The following SCLT1 variants were observed in gnomAD, a reference collection of about 807,000 sequenced individuals.
The protein encoded by SCLT1 is sodium channel and clathrin linker 1, also known as sodium channel-associated protein 1.
A neutral mutation model predicts 112.8 loss-of-function variants in SCLT1; 78 were observed. That is an observed-to-expected ratio of 0.69 (90% CI 0.58 to 0.83). The LOEUF is 0.83. Among genes scored for constraint, SCLT1 ranks in the 40% least tolerant of loss-of-function variants. The probability of loss-of-function intolerance (pLI) is 0.00; values close to 1 mark genes in which losing one functional copy is unlikely to be tolerated. For missense variants in SCLT1, 747 were observed against 770.4 expected, an observed-to-expected ratio of 0.97 and a Z score of 0.36; for synonymous variants, 257 against 254.7, an observed-to-expected ratio of 1.01 and a Z score of -0.09.
At chr4:128,899,231 T>G (rs1734058537) in intron 18 of SCLT1, among the ~76,000 whole-genome samples, 1 of 152,070 alleles carries the variant, frequency 6.6e-6, no homozygotes, top group Non-Finnish European at 1.5e-5. Flanking sequence ...AAAAAGAGAA[T>G]TTTAGACCAA....
rs73850063 is a variant in SCLT1, at chr4:128,948,872, T to C, written c.1219-302A>G. On this transcript the variant is annotated intron_variant, in intron 14 of 20. Transcript: ENST00000281142. ...TACTATAGATTTTCTTTTCATATAC[T>C]CTTATCAAGTATTTTGAAAAGGGAA... Among the ~76,000 whole-genome samples the C allele has an allele frequency of 6.1e-3, 929 of 152,258 alleles. 3 individuals carry two copies. The highest frequency in any genetic ancestry group is 0.017 in the Admixed American group (266 of 15,294).
intron 2 of SCLT1, among the ~76,000 whole-genome samples, chr4:129,067,860 C>G (rs1750630605): frequency 6.7e-6 from 1 of 149,976 alleles, no homozygotes; most frequent in African/African-American, 2.5e-5. Flanking sequence ...GTTATTTCTA[C>G]AGGTTGCTGG....
chr4:129,017,912 T>G (rs1252167915), intron 5 of SCLT1, among the ~76,000 whole-genome samples: 2 of 152,244 alleles, frequency 1.3e-5, no homozygotes, highest in Non-Finnish European at 2.9e-5. Flanking sequence ...TCTTACTGAT[T>G]TAGCTAATTG....
intron 5 of SCLT1, among the ~76,000 whole-genome samples, chr4:129,018,255 GT>G (rs1745158607): frequency 6.6e-6 from 1 of 152,178 alleles, no homozygotes; most frequent in Non-Finnish European, 1.5e-5. Context: ...CTAGTTTTTA[GT>G]TTTCCAGCCT....
chr4:128,912,932 C>T (rs979571994), intron 18 of SCLT1, among the ~76,000 whole-genome samples: 9 of 152,180 alleles, frequency 5.9e-5, no homozygotes, highest in Admixed American at 4.6e-4. Flanking sequence ...AAACTGCAAT[C>T]TTGACTATTT....
At chr4:129,024,729 C>T (rs1745862311) in intron 5 of SCLT1, among the ~76,000 whole-genome samples, 1 of 152,144 alleles carries the variant, frequency 6.6e-6, no homozygotes, top group Admixed American at 6.6e-5. Flanking sequence ...GAGAAGAAGG[C>T]TTCAGATGAT....
intron 17 of SCLT1, among the ~76,000 whole-genome samples, chr4:128,940,369 C>T (rs1417455956): frequency 6.6e-6 from 1 of 151,614 alleles, no homozygotes; most frequent in South Asian, 2.1e-4. Flanking sequence ...ATTAAAAAGA[C>T]AACTATAAGG....
chr4:129,049,344 T>C (rs1401487737), intron 2 of SCLT1, among the ~76,000 whole-genome samples: 4 of 151,502 alleles, frequency 2.6e-5, no homozygotes, highest in Non-Finnish European at 4.4e-5. Flanking sequence ...ATGGATGAAA[T>C]TGGAAATCAT....
At chr4:128,960,524 C>T (rs1739596953) in intron 11 of SCLT1, among the ~76,000 whole-genome samples, 1 of 152,144 alleles carries the variant, frequency 6.6e-6, no homozygotes, top group Admixed American at 6.5e-5. Flanking sequence ...GGCATATTTT[C>T]CTCCTTTTGT....
chr4:128,944,146 A>C (rs911096953), intron 16 of SCLT1, among the ~76,000 whole-genome samples: 2 of 152,086 alleles, frequency 1.3e-5, no homozygotes, highest in Admixed American at 1.3e-4. Flanking sequence ...TTGCTTCCCC[A>C]GCAACTCCCA....
intron 9 of SCLT1, chr4:128,971,420 AATCT>A (rs1461880353): frequency 6.6e-6 from 1 of 152,174 alleles, no homozygotes; most frequent in African/African-American, 2.4e-5. Flanking sequence ...AGAAAATACA[AATCT>A]AATAATAGCT....
intron 18 of SCLT1, among the ~76,000 whole-genome samples, chr4:128,935,900 T>A (rs1737142136): frequency 6.6e-6 from 1 of 152,096 alleles, no homozygotes; most frequent in Non-Finnish European, 1.5e-5. Context: ...TATTGTAATC[T>A]CCTCCCTGAA....
At chr4:128,930,954 G>A (rs1736709906) in intron 18 of SCLT1, among the ~76,000 whole-genome samples, 2 of 152,100 alleles carry the variant, frequency 1.3e-5, no homozygotes, top group African/African-American at 2.4e-5. Context: ...TGAAGCTTGT[G>A]AGTACATAAA....
At chr4:128,917,183 G>A (rs1365724288) in intron 18 of SCLT1, among the ~76,000 whole-genome samples, 1 of 152,054 alleles carries the variant, frequency 6.6e-6, no homozygotes, top group Non-Finnish European at 1.5e-5. Context: ...ACTGACCCCA[G>A]TGCTTCTCGA....
At chr4:129,087,785 A>C (rs1241192950) in intron 1 of SCLT1, among the ~76,000 whole-genome samples, 1 of 151,478 alleles carries the variant, frequency 6.6e-6, no homozygotes, top group Non-Finnish European at 1.5e-5. Flanking sequence ...GGAAGAAAAA[A>C]AAAGAAAAGC....
intron 1 of SCLT1, 75 bp downstream of exon 1, chr4:129,092,995 T>C (rs1431820625): frequency 1.1e-5 from 12 of 1,104,534 alleles, no homozygotes; most frequent in African/African-American, 1.5e-5. Flanking sequence ...CAACCAGCAT[T>C]CAAAAAAGAT....
At chr4:129,034,725 G>A (rs866073737) in intron 5 of SCLT1, among the ~76,000 whole-genome samples, 1 of 150,396 alleles carries the variant, frequency 6.6e-6, no homozygotes, top group Non-Finnish European at 1.5e-5. Context: ...TATGTAAAAG[G>A]CCAGAGAGTA....
chr4:129,045,717 A>T (rs1748119507), intron 2 of SCLT1, among the ~76,000 whole-genome samples: 1 of 152,104 alleles, frequency 6.6e-6, no homozygotes, highest in African/African-American at 2.4e-5. Flanking sequence ...TTTTGAAGGG[A>T]GAAAGTATTT....
At chr4:128,960,282 C>T (rs185855098) in intron 11 of SCLT1, among the ~76,000 whole-genome samples, 1 of 151,980 alleles carries the variant, frequency 6.6e-6, no homozygotes, top group African/African-American at 2.4e-5. Context: ...TATATATACT[C>T]ATACACATAT....
Sources: gnomAD v4.1 joint callset for allele counts (sites outside exome capture counted in the v4.1 genomes callset) on GRCh38, gnomAD v4.1.1 for gene constraint, MANE v1.5 for transcripts, NCBI Gene and HGNC (gene_info 2026-07-23, HGNC 2026-07-21) for gene names.